Variants in RET observed in about 807,000 individuals in gnomAD.
RET encodes the protein ret proto-oncogene.
RET carries 19 observed loss-of-function variants against 118.3 expected under a neutral mutation model. That is an observed-to-expected ratio of 0.16 (90% CI 0.11 to 0.24). The LOEUF (loss-of-function observed/expected upper bound fraction) is 0.24, where lower values mean the gene tolerates loss of function less well. RET is among the 10% of genes least tolerant of loss of function. The probability of loss-of-function intolerance (pLI) is 1.00; values close to 1 mark genes in which losing one functional copy is unlikely to be tolerated. For synonymous variants in RET, 597 were observed against 644.1 expected, an observed-to-expected ratio of 0.93 and a Z score of 1.11; for missense variants, 1,219 against 1,502.1, an observed-to-expected ratio of 0.81 and a Z score of 3.12.
At position 43,116,342 on chromosome 10, in the gene RET, C is replaced by G. The variant is rs950213601; in HGVS notation, c.2137-242C>G. Among the ~76,000 whole-genome samples the G allele has an allele frequency of 2.6e-5, 4 of 152,312 alleles. No homozygotes were observed. The East Asian group carries it at 7.7e-4, about 29-fold the overall frequency. ...CAGTAGACCAGGAACCAGAGAGGGT[C>G]GAAGTACTGAGTCCAAGCCATGCTG... On this transcript the variant is annotated intron_variant, in intron 11 of 19. Coordinates refer to ENST00000355710, the MANE Select transcript of RET (RefSeq NM_020975.6).
intron 8 of RET, 126 bp from the exon 9 acceptor site, chr10:43,112,726 TA>T (rs775563610): frequency 3.9e-5 from 29 of 746,244 alleles, no homozygotes; most frequent in Non-Finnish European, 6.4e-5. Context: ...CAAGGCTCTG[TA>T]TATGGTGTTT....
At position 43,130,285 on chromosome 10, in the gene RET, G is replaced by A; in HGVS notation, c.*2016G>A. On this transcript the variant is annotated 3_prime_UTR_variant, in exon 20 of 20. Coordinates refer to ENST00000355710, the MANE Select transcript of RET (RefSeq NM_020975.6). Reference sequence around the variant, plus strand: ...ATGAAAGGTCATTAAACCAGATCATGTTCCTTTTTTTGTAATCAAGGTGAC... The same window carrying A: ...ATGAAAGGTCATTAAACCAGATCATATTCCTTTTTTTGTAATCAAGGTGAC... 1 of 355,238 alleles carries A rather than the reference G, an allele frequency of 2.8e-6. No individual in the cohort carries two copies. The highest frequency in any genetic ancestry group is 5.0e-6 in the Non-Finnish European group (1 of 199,770). 22.0% of individuals were successfully genotyped at this position (355,238 alleles called of 1,614,324 possible). A position where few individuals can be genotyped will look rare whatever the true frequency, so the allele number is the denominator to read the frequency against.
At chr10:43,084,283 G>T (rs1017943167) in intron 1 of RET, among the ~76,000 whole-genome samples, 1 of 152,178 alleles carries the variant, frequency 6.6e-6, no homozygotes, top group Admixed American at 6.5e-5. Flanking sequence ...TTGTGGAGCC[G>T]CCAAACTGTT....
intron 4 of RET, 43 bp downstream of exon 4, chr10:43,105,236 C>T (rs376185644): frequency 1.9e-6 from 3 of 1,611,560 alleles, no homozygotes; most frequent in South Asian, 1.1e-5. Flanking sequence ...TGTCTGTCTC[C>T]GGCCACAGTT....
In RET at chr10:43,100,439, CACTTCCCT is replaced by C. The variant is rs2132655890; in HGVS notation, c.74-12_74-5del. 31 of 1,611,844 alleles carry C rather than the reference CACTTCCCT, an allele frequency of 1.9e-5. No individual in the cohort carries two copies. The highest frequency in any genetic ancestry group is 2.5e-5 in the Non-Finnish European group (30 of 1,179,550). On this transcript the variant is annotated splice_polypyrimidine_tract_variant and intron_variant, in intron 1 of 19. Coordinates refer to ENST00000355710, the MANE Select transcript of RET (RefSeq NM_020975.6). The stretch of plus-strand genomic sequence containing the variant: ...AGCCTTATTCTCACCATCCCTCACT[CACTTCCCT>C]ACTTCCCACAGTGGCATTGGGCCTC...
chr10:43,077,115 A>C lies in RET; in HGVS notation c.-144A>C. On this transcript the variant is annotated 5_prime_UTR_variant, in exon 1 of 20. Coordinates refer to ENST00000355710, the MANE Select transcript of RET (RefSeq NM_020975.6). ...CGCGCAGCAGCGCTGAGTGCCCCGG[A>C]ACGTGCGTCGCGCCCCCAGTGTCCG... 1 of 1,179,818 alleles carries C rather than the reference A, an allele frequency of 8.5e-7. No individual in the cohort carries two copies. The highest frequency in any genetic ancestry group is 1.1e-6 in the Non-Finnish European group (1 of 924,662). The allele number at this position is 1,179,818 out of a possible 1,614,324, so 73.1% of individuals were successfully genotyped here. A position where few individuals can be genotyped will look rare whatever the true frequency, so the allele number is the denominator to read the frequency against.
At chr10:43,087,308 C>A (rs1279481998) in intron 1 of RET, among the ~76,000 whole-genome samples, 1 of 152,212 alleles carries the variant, frequency 6.6e-6, no homozygotes, top group Admixed American at 6.5e-5. Flanking sequence ...TGAGGAGATC[C>A]TGCACTCCAC....
intron 13 of RET, among the ~76,000 whole-genome samples, chr10:43,119,144 G>A (rs1289793085): frequency 6.6e-6 from 1 of 152,158 alleles, no homozygotes; most frequent in East Asian, 1.9e-4. Flanking sequence ...CCAGCGCCAG[G>A]CAGGAACCCT....
At position 43,130,350 on chromosome 10, in the gene RET, A is replaced by G. The variant is rs1033312043; in HGVS notation, c.*2081A>G. On this transcript the variant is annotated 3_prime_UTR_variant, in exon 20 of 20. Transcript: ENST00000355710. ...GTGTAAATAAAATCATGTATCATAA[A>G]ATGTGTAAACTTTTTTTCTTTTTAA... 3.6e-6 allele frequency: 1 copy of G among 277,822 alleles called. No homozygotes were observed. Among genetic ancestry groups the G allele is most frequent in the Non-Finnish European group, 6.7e-6 (1 of 149,552 alleles). The allele number at this position is 277,822 out of a possible 1,614,324, so 17.2% of individuals were successfully genotyped here.
chr10:43,122,098 G>A, intron 16 of RET, 82 bp downstream of exon 16: 2 of 1,122,154 alleles, frequency 1.8e-6, no homozygotes, highest in South Asian at 1.2e-5. Context: ...GCCCGTCTGT[G>A]CAGCTTGGCC....
intron 1 of RET, among the ~76,000 whole-genome samples, chr10:43,080,158 C>T (rs958045112): frequency 6.6e-6 from 1 of 152,212 alleles, no homozygotes; most frequent in Non-Finnish European, 1.5e-5. Context: ...TAGCGGGGAG[C>T]TAATAGCCTT....
At chr10:43,119,959 CCCAGGTCTCACCAGGCCGCTACCCGGG>C in intron 14 of RET, 95 bp from the exon 15 acceptor site, 1 of 1,475,870 alleles carries the variant, frequency 6.8e-7, no homozygotes, top group South Asian at 1.2e-5. Context: ...ACACCCCCGG[CCCAGGTCTCACCAGGCCGCTACCCGGG>C]CCACACACCA....
chr10:43,105,260 G>T, intron 4 of RET, 67 bp downstream of exon 4: 2 of 1,606,418 alleles, frequency 1.2e-6, no homozygotes, highest in Non-Finnish European at 8.5e-7. Context: ...TTCTCGGTCG[G>T]TTTAGTGTCC....
rs367688294 is a variant in RET at position 43,106,370 on chromosome 10, C to T, written c.868-6C>T. The T allele has an allele frequency of 2.2e-5, 36 of 1,608,814 alleles. No individual in the cohort carries two copies. In the African/African-American group the frequency reaches 4.3e-4, roughly 19 times the overall value. ...TGCACTGACCAACGCCCTCTGCATC[C>T]TGCAGGACACCGTGGTGGCCACGCT... On this transcript the variant is annotated splice_region_variant and splice_polypyrimidine_tract_variant and intron_variant, in intron 4 of 19. Transcript: ENST00000355710. The surrounding 1 kb of genome is among the most constrained non-coding windows in gnomAD (Gnocchi z 5.1).
At chr10:43,093,793 G>A (rs555715060) in intron 1 of RET, among the ~76,000 whole-genome samples, 1 of 152,254 alleles carries the variant, frequency 6.6e-6, no homozygotes, top group Admixed American at 6.5e-5. Context: ...TATGTAGAGT[G>A]GAGGAAAATA....
rs747844360 is a variant in RET at position 43,112,853 on chromosome 10, G to T, written c.1649G>T (p.Gly550Val). ...ACAGCCTGCTGTGTGTCCTGTGCAG[G>T]GATCACCAGGAACTTCTCCACCTGC... ...RCEWRQGDGK[G>V]ITRNFSTCSP... Residue 550 changes from glycine (G) to valine (V), a missense_variant and splice_region_variant, in exon 9 of 20, where the codon GGG (glycine) becomes GTG (valine). Transcript: ENST00000355710. 1 of 1,612,912 alleles carries T rather than the reference G, an allele frequency of 6.2e-7. No individual in the cohort carries two copies. The highest frequency in any genetic ancestry group is 1.1e-5 in the South Asian group (1 of 91,046).
At chr10:43,094,162 C>T (rs1837469965) in intron 1 of RET, among the ~76,000 whole-genome samples, 1 of 151,906 alleles carries the variant, frequency 6.6e-6, no homozygotes. Flanking sequence ...GCTGGAGGGA[C>T]CCCCATAGGG....
chr10:43,077,450 C>T (rs1564480988), intron 1 of RET, 119 bp downstream of exon 1: 1 of 1,262,194 alleles, frequency 7.9e-7, no homozygotes, highest in Admixed American at 3.7e-5. Flanking sequence ...TGTGCGGTCG[C>T]CGGCCACCCG....
chr10:43,085,015 G>A (rs919520298), intron 1 of RET, among the ~76,000 whole-genome samples: 11 of 152,206 alleles, frequency 7.2e-5, no homozygotes, highest in African/African-American at 2.2e-4. Flanking sequence ...CATCATTGCC[G>A]TGGTGTGATG....
Sources: gnomAD v4.1 joint callset for allele counts (sites outside exome capture counted in the v4.1 genomes callset) on GRCh38, gnomAD v4.1.1 for gene constraint, Gnocchi (gnomAD v3.1) non-coding constraint, MANE v1.5 for transcripts, NCBI Gene and HGNC (gene_info 2026-07-23, HGNC 2026-07-21) for gene names.